Variants in GUCA1B observed in about 807,000 individuals in gnomAD.
The protein encoded by GUCA1B is guanylate cyclase activator 1B, also known as guanylyl cyclase-activating protein 2.
In GUCA1B, 22 loss-of-function variants were observed where a neutral mutation model predicts 24.2. That is an observed-to-expected ratio of 0.91 (90% CI 0.65 to 1.30). The LOEUF (loss-of-function observed/expected upper bound fraction) is 1.30, where lower values mean the gene tolerates loss of function less well. Among genes scored for constraint, GUCA1B ranks in the 50% most tolerant of loss-of-function variants. GUCA1B has a pLI of 0.00. For synonymous variants in GUCA1B, 100 were observed against 97.9 expected, an observed-to-expected ratio of 1.02 and a Z score of -0.13; for missense variants, 221 against 258.8, an observed-to-expected ratio of 0.85 and a Z score of 1.00.
rs141838538 is a variant in GUCA1B, at chr6:42,185,006, G to A, written c.476-64C>T. 1,676 of 1,523,282 alleles carry A rather than the reference G, an allele frequency of 1.1e-3. 1 individual carries two copies. The highest frequency in any genetic ancestry group is 2.5e-3 in the Middle Eastern group (15 of 5,904). The allele number at this position is 1,523,282 out of a possible 1,614,324, so 94.4% of individuals were successfully genotyped here. A position where few individuals can be genotyped will look rare whatever the true frequency, so the allele number is the denominator to read the frequency against. On this transcript the variant is annotated intron_variant, in intron 3 of 3. Coordinates refer to ENST00000230361, the MANE Select transcript of GUCA1B (RefSeq NM_002098.6). ...GGGAGACCTGGGTCTGGGGGCAGGA[G>A]GAGAGACCTCGCTCCCAGGATGCGC...
In GUCA1B at chr6:42,194,892, A is replaced by T; in HGVS notation, c.-72T>A. On this transcript the variant is annotated 5_prime_UTR_variant, in exon 1 of 4. In the 5' UTR this introduces an upstream ATG that the reference lacks. Coordinates refer to ENST00000230361, the MANE Select transcript of GUCA1B (RefSeq NM_002098.6). ...TGGCTTCTGCTGATGGATCTCTCCA[A>T]CTAGGGCCCTCTTCCTCCCTTTCCA... 1 of 1,094,086 alleles carries T rather than the reference A, an allele frequency of 9.1e-7. No individual in the cohort carries two copies. Among genetic ancestry groups the T allele is most frequent in the Non-Finnish European group, 1.4e-6 (1 of 738,532 alleles). The allele number at this position is 1,094,086 out of a possible 1,614,324, so 67.8% of individuals were successfully genotyped here.
At chr6:42,193,166 T>C (rs1768339767) in intron 1 of GUCA1B, among the ~76,000 whole-genome samples, 1 of 152,140 alleles carries the variant, frequency 6.6e-6, no homozygotes, top group Non-Finnish European at 1.5e-5. Flanking sequence ...ATTAAAAAGT[T>C]ATTCAAAAAG....
intron 1 of GUCA1B, among the ~76,000 whole-genome samples, chr6:42,191,523 G>C (rs1408329091): frequency 1.3e-5 from 2 of 152,162 alleles, no homozygotes; most frequent in Non-Finnish European, 2.9e-5. Context: ...TGGGAAAGAA[G>C]GCTCAGTCCC....
intron 2 of GUCA1B, among the ~76,000 whole-genome samples, chr6:42,186,943 T>C (rs1245097370): frequency 2.6e-5 from 4 of 152,240 alleles, no homozygotes; most frequent in Non-Finnish European, 5.9e-5. Flanking sequence ...TGGGATGTAC[T>C]AGGCACTTCT....
intron 1 of GUCA1B, 98 bp downstream of exon 1, chr6:42,194,515 GA>G: frequency 1.3e-6 from 1 of 789,412 alleles, no homozygotes; most frequent in Non-Finnish European, 2.3e-6. Context: ...AGCAGAGAAA[GA>G]GCCGAGGAGT....
chr6:42,189,326 G>C (rs984350791), intron 1 of GUCA1B, among the ~76,000 whole-genome samples: 8 of 152,162 alleles, frequency 5.3e-5, no homozygotes, highest in African/African-American at 1.9e-4. Flanking sequence ...CATGTTATAT[G>C]CTCCTGGGGA....
rs1490641336 is a variant in GUCA1B, at chr6:42,184,152, A to C, written c.*663T>G. On this transcript the variant is annotated 3_prime_UTR_variant, in exon 4 of 4. Transcript: ENST00000230361. Reference sequence around the variant, plus strand: ...CGTCCAGGCTGGAGTGCAGTGGCGCAATCTCGGCTCACTGTAGGCTCGGCC... The same window carrying C: ...CGTCCAGGCTGGAGTGCAGTGGCGCCATCTCGGCTCACTGTAGGCTCGGCC... Among the ~76,000 whole-genome samples the C allele has an allele frequency of 6.7e-6, 1 of 150,178 alleles. No individual in the cohort carries two copies. Among genetic ancestry groups the C allele is most frequent in the African/African-American group, 2.5e-5 (1 of 40,656 alleles).
chr6:42,193,871 T>C (rs910487530), intron 1 of GUCA1B, among the ~76,000 whole-genome samples: 2 of 152,150 alleles, frequency 1.3e-5, no homozygotes, highest in African/African-American at 4.8e-5. Flanking sequence ...GTATTTGAGG[T>C]ATTTGAGGAT....
intron 2 of GUCA1B, among the ~76,000 whole-genome samples, chr6:42,187,138 C>T (rs998642065): frequency 6.6e-6 from 1 of 151,908 alleles, no homozygotes; most frequent in Non-Finnish European, 1.5e-5. Context: ...CGGAGTCTTG[C>T]TCTGTCACCA....
chr6:42,184,095 C>T lies in GUCA1B; in HGVS notation c.*720G>A, dbSNP rs199672594. ...AAAACTCCTGCCTTTTCTTTTCTTT[C>T]TTTTTTTTTTTTTGAGACGGAGTCT... is the stretch of plus-strand genomic sequence containing the variant. On this transcript the variant is annotated 3_prime_UTR_variant, in exon 4 of 4. Coordinates refer to ENST00000230361, the MANE Select transcript of GUCA1B (RefSeq NM_002098.6). Among the ~76,000 whole-genome samples, 11 of 141,264 alleles carry T rather than the reference C, an allele frequency of 7.8e-5. No homozygotes were observed. Among genetic ancestry groups the T allele is most frequent in the African/African-American group, 2.5e-4 (9 of 36,152 alleles). The allele number at this position is 141,264 out of a possible 152,430, so 92.7% of individuals were successfully genotyped here.
intron 2 of GUCA1B, 74 bp from the exon 3 acceptor site, chr6:42,185,871 C>T (rs9471799): frequency 0.86 from 746,270 of 870,330 alleles, 320,727 homozygotes; most frequent in East Asian, 0.94. Flanking sequence ...CCCACATCCC[C>T]CAGCACCACT....
chr6:42,187,334 G>A (rs1768210951), intron 2 of GUCA1B, among the ~76,000 whole-genome samples: 1 of 151,850 alleles, frequency 6.6e-6, no homozygotes. Context: ...TCGATCTCCT[G>A]ACCTCGTGAT....
At chr6:42,189,817 C>A (rs2113846761) in intron 1 of GUCA1B, among the ~76,000 whole-genome samples, 1 of 152,332 alleles carries the variant, frequency 6.6e-6, no homozygotes, top group East Asian at 1.9e-4. Context: ...CTTTCTTCTC[C>A]AGATGTGTTT....
At position 42,194,887 on chromosome 6, in the gene GUCA1B, C is replaced by G. The variant is rs1768372526; in HGVS notation, c.-67G>C. 2.6e-6 allele frequency: 3 copies of G among 1,157,036 alleles called. No individual in the cohort carries two copies. Among genetic ancestry groups the G allele is most frequent in the Non-Finnish European group, 3.8e-6 (3 of 795,122 alleles). The allele number at this position is 1,157,036 out of a possible 1,614,324, so 71.7% of individuals were successfully genotyped here. A position where few individuals can be genotyped will look rare whatever the true frequency, so the allele number is the denominator to read the frequency against. On this transcript the variant is annotated 5_prime_UTR_variant, in exon 1 of 4. Transcript: ENST00000230361. ...CTCCCTGGCTTCTGCTGATGGATCTCTCCAACTAGGGCCCTCTTCCTCCCT... is the reference window on the plus strand; with the variant it reads ...CTCCCTGGCTTCTGCTGATGGATCTGTCCAACTAGGGCCCTCTTCCTCCCT...
At chr6:42,184,991 G>C (rs757184469) in intron 3 of GUCA1B, 49 bp from the exon 4 acceptor site, 7 of 1,600,912 alleles carry the variant, frequency 4.4e-6, no homozygotes, top group Middle Eastern at 1.7e-4. Flanking sequence ...GGGAGACCTG[G>C]GTCTGGGGGC....
At position 42,184,800 on chromosome 6, in the gene GUCA1B, G is replaced by A; in HGVS notation, c.*15C>T. On this transcript the variant is annotated 3_prime_UTR_variant, in exon 4 of 4. Coordinates refer to ENST00000230361, the MANE Select transcript of GUCA1B (RefSeq NM_002098.6). The stretch of plus-strand genomic sequence containing the variant: ...ACCTGGGTGAGCCTGGAGTCGTGGA[G>A]GGGCCCCAGACTCCTCAGAACATGG... 1 of 1,613,572 alleles carries A rather than the reference G, an allele frequency of 6.2e-7. No individual in the cohort carries two copies. The highest frequency in any genetic ancestry group is 8.5e-7 in the Non-Finnish European group (1 of 1,179,670).
intron 2 of GUCA1B, among the ~76,000 whole-genome samples, chr6:42,187,425 T>TTTTTTA (rs1357128078): frequency 1.3e-5 from 2 of 150,480 alleles, no homozygotes; most frequent in African/African-American, 4.9e-5. Flanking sequence ...TTACTTTTTT[T>TTTTTTA]TTTTTTTTTT....
In GUCA1B at chr6:42,194,797, C is replaced by T; in HGVS notation, c.24G>A (p.Glu8=). 1 of 1,572,976 alleles carries T rather than the reference C, an allele frequency of 6.4e-7. No homozygotes were observed. The highest frequency in any genetic ancestry group is 8.6e-7 in the Non-Finnish European group (1 of 1,159,002). Residue 8 remains glutamate, a synonymous_variant, in exon 1 of 4, where the codon GAG becomes GAA. Transcript: ENST00000230361. ...CTATCTCGCCAGCTGCCTCCGCCTC[C>T]TCCCAGCTAAACTCCTGCCCCATGC... MGQEFSW[E]EAEAAGEIDV...
chr6:42,188,902 A>ATCTATATC (rs57981170), intron 1 of GUCA1B, among the ~76,000 whole-genome samples, 171 bp from the exon 2 acceptor site: 6 of 114,638 alleles, frequency 5.2e-5, no homozygotes, highest in African/African-American at 1.4e-4. Flanking sequence ...CTATCTATCT[A>ATCTATATC]TATCTATATC....
Sources: allele counts gnomAD v4.1 joint callset (sites outside exome capture counted in the v4.1 genomes callset), GRCh38; gene constraint gnomAD v4.1.1; transcripts MANE v1.5; gene names NCBI Gene and HGNC (gene_info 2026-07-23, HGNC 2026-07-21).